Variants in PLEKHG5 observed in about 807,000 individuals in gnomAD.
The protein encoded by PLEKHG5 is pleckstrin homology and RhoGEF domain containing G5, also known as pleckstrin homology domain-containing family G member 5.
PLEKHG5 carries 52 observed loss-of-function variants against 103.8 expected under a neutral mutation model. That is an observed-to-expected ratio of 0.50 (90% CI 0.40 to 0.63). The LOEUF is 0.63. Ranked by LOEUF, PLEKHG5 falls within the 30% of genes least tolerant of loss-of-function variation. The probability of loss-of-function intolerance (pLI) is 0.00; values close to 1 mark genes in which losing one functional copy is unlikely to be tolerated. For missense variants in PLEKHG5, 1,205 were observed against 1,347.6 expected (o/e 0.89, Z 1.66); for synonymous variants, 592 against 575.5 (o/e 1.03, Z -0.41).
Position 6,485,351 on chromosome 1 carries a change from C to G in PLEKHG5, c.-88+6286G>C, listed in dbSNP as rs920474905. ...GGCTATCACCGTCGCGGGCACGACC[C>G]CCGGCCCAGGAGGGCTCCGAGTCCC... On this transcript the variant is annotated intron_variant, in intron 1 of 20. Transcript: ENST00000377728. 8 of 1,430,132 alleles carry G rather than the reference C, an allele frequency of 5.6e-6. No homozygotes were observed. The African/African-American group carries it at 1.2e-4, about 22-fold the overall frequency. 88.6% of individuals were successfully genotyped at this position (1,430,132 alleles called of 1,614,324 possible).
chr1:6,501,907 C>T lies in PLEKHG5; in HGVS notation c.-164-5338G>A, dbSNP rs1302649679. On this transcript the variant is annotated intron_variant, in intron 1 of 21. Transcript: ENST00000377740. The surrounding 1 kb of genome is among the most constrained non-coding windows in gnomAD (Gnocchi z 4.3). Reference sequence around the variant, plus strand: ...CCAGGGTAGCCCCTCACCTGTGAACCCTCCACTCCGATGAACCCTTCTGTC... The same window carrying T: ...CCAGGGTAGCCCCTCACCTGTGAACTCTCCACTCCGATGAACCCTTCTGTC... Among the ~76,000 whole-genome samples, 1 of 152,240 alleles carries T rather than the reference C, an allele frequency of 6.6e-6. No homozygotes were observed. The highest frequency in any genetic ancestry group is 1.5e-5 in the Non-Finnish European group (1 of 68,046).
upstream of PLEKHG5, chr1:6,497,337 T>A: frequency 9.9e-7 from 1 of 1,006,248 alleles, no homozygotes. This position sits in a 1 kb window ranked among gnomAD's most constrained non-coding sequence, Gnocchi z 6.1. Flanking sequence ...GCAGGCCCCG[T>A]GCCGCGCGGG....
At chr1:6,499,742 T>C (rs770248880), upstream of PLEKHG5, among the ~76,000 whole-genome samples, 14 of 152,158 alleles carry the variant, frequency 9.2e-5, no homozygotes, top group Non-Finnish European at 2.1e-4. Context: ...AAGGGGGACA[T>C]ACTGTATCAG....
At chr1:6,483,844 T>A (rs1644959237) in intron 1 of PLEKHG5, among the ~76,000 whole-genome samples, 1 of 152,218 alleles carries the variant, frequency 6.6e-6, no homozygotes, top group South Asian at 2.1e-4. Flanking sequence ...CTGCCCCACC[T>A]TGTCCCCTCT....
chr1:6,503,731 A>C (rs1430245693), intron 1 of PLEKHG5, among the ~76,000 whole-genome samples: 3 of 152,156 alleles, frequency 2.0e-5, no homozygotes, highest in African/African-American at 7.2e-5. Context: ...AAAGAGAAAA[A>C]TAAAGAGCAC....
At chr1:6,476,956 G>A (rs376668321) in intron 2 of PLEKHG5, among the ~76,000 whole-genome samples, 18 of 152,020 alleles carry the variant, frequency 1.2e-4, no homozygotes, top group Admixed American at 5.9e-4. Context: ...ATGAGCCACC[G>A]TGCCCAACCA....
At position 6,473,773 on chromosome 1, in the gene PLEKHG5, C is replaced by A. The variant is rs1423750714; in HGVS notation, c.591+240G>T. Among the ~76,000 whole-genome samples, 5 of 152,290 alleles carry A rather than the reference C, an allele frequency of 3.3e-5. No homozygotes were observed. The East Asian group carries it at 9.6e-4, about 29-fold the overall frequency. On this transcript the variant is annotated intron_variant, in intron 7 of 20. Transcript: ENST00000377728. ...GTGCTCTCACACACACATGCACACA[C>A]AGGTTCCCTGACCCCTGGCACTAGA... is the stretch of plus-strand genomic sequence containing the variant.
rs1645122366 is a variant in PLEKHG5 at position 6,490,200 on chromosome 1, A to G, written c.-88+1437T>C. On this transcript the variant is annotated intron_variant, in intron 1 of 20. Transcript: ENST00000377728. The surrounding 1 kb of genome is among the most constrained non-coding windows in gnomAD (Gnocchi z 8.0). The stretch of plus-strand genomic sequence containing the variant: ...CCCCCCATACCGGGGCCAGGGTCCC[A>G]TAGACTCCTCACGGCCCTATCTCCG... Among the ~76,000 whole-genome samples, 1 of 152,044 alleles carries G rather than the reference A, an allele frequency of 6.6e-6. No individual in the cohort carries two copies.
At position 6,491,093 on chromosome 1, in the gene PLEKHG5, C is replaced by CTT. The variant is rs545166285; in HGVS notation, c.-88+542_-88+543dup. 1.4e-5 allele frequency among the ~76,000 whole-genome samples: 2 copies of CTT among 145,806 alleles called. No homozygotes were observed. The highest frequency in any genetic ancestry group is 2.5e-5 in the African/African-American group (1 of 39,888). On this transcript the variant is annotated intron_variant, in intron 1 of 20. Transcript: ENST00000377728. This position sits in a 1 kb window ranked among gnomAD's most constrained non-coding sequence, Gnocchi z 4.1. Reference sequence around the variant, plus strand: ...CAGCCCGCTTTTCTCTGGGCCCCCTCTTTTTTTTTTTTCTGGCCCAGGTGA... The same window carrying CTT: ...CAGCCCGCTTTTCTCTGGGCCCCCTCTTTTTTTTTTTTTTCTGGCCCAGGTGA...
chr1:6,517,751 G>C (rs1638662872), intron 1 of PLEKHG5, among the ~76,000 whole-genome samples: 1 of 151,606 alleles, frequency 6.6e-6, no homozygotes, highest in African/African-American at 2.4e-5. Flanking sequence ...AACAGGCTCA[G>C]ATCTGACGAC....
chr1:6,473,953 CT>C, intron 7 of PLEKHG5, 59 bp downstream of exon 7: 1 of 1,482,600 alleles, frequency 6.7e-7, no homozygotes, highest in South Asian at 1.2e-5. Flanking sequence ...TGAGGAGGGG[CT>C]GTGGGCCCAG....
chr1:6,494,346 G>A (rs1645192670), upstream of PLEKHG5, among the ~76,000 whole-genome samples: 1 of 151,616 alleles, frequency 6.6e-6, no homozygotes, highest in Admixed American at 6.6e-5. Context: ...GGCCAGGCTG[G>A]TCTCGAACTC....
intron 1 of PLEKHG5, among the ~76,000 whole-genome samples, chr1:6,488,999 C>T (rs1237146573): frequency 6.6e-6 from 1 of 152,172 alleles, no homozygotes; most frequent in East Asian, 1.9e-4. Context: ...CGAGCTGGGG[C>T]CCCAGCCTGG....
chr1:6,480,261 G>C (rs1396053635), intron 1 of PLEKHG5, among the ~76,000 whole-genome samples: 1 of 152,006 alleles, frequency 6.6e-6, no homozygotes, highest in East Asian at 1.9e-4. Context: ...AGGCACGGTG[G>C]CTCATGCCTG....
intron 1 of PLEKHG5, among the ~76,000 whole-genome samples, chr1:6,489,268 C>G (rs772395594): frequency 6.6e-6 from 1 of 152,184 alleles, no homozygotes; most frequent in Non-Finnish European, 1.5e-5. Context: ...CTTTGCCAGG[C>G]GGCTCTCTAC....
At chr1:6,519,549 C>G in exon 1 of PLEKHG5, 3 of 1,504,750 alleles carry the variant, frequency 2.0e-6, no homozygotes, top group South Asian at 1.1e-5. Context: ...GCCTGGACCT[C>G]CAGCCACATG....
At position 6,469,029 on chromosome 1, in the gene PLEKHG5, T is replaced by C; in HGVS notation, c.2249+13A>G. On this transcript the variant is annotated intron_variant, in intron 19 of 20. Coordinates refer to ENST00000377728, the MANE Select transcript of PLEKHG5 (RefSeq NM_020631.6). Reference sequence around the variant, plus strand: ...CCTGGTTTGACCTGCTGGGTGGTCATGAGCAGACGTACCAGTGCTGAGAGT... The same window carrying C: ...CCTGGTTTGACCTGCTGGGTGGTCACGAGCAGACGTACCAGTGCTGAGAGT... 6.2e-7 allele frequency: 1 copy of C among 1,610,686 alleles called. No individual in the cohort carries two copies. The highest frequency in any genetic ancestry group is 8.5e-7 in the Non-Finnish European group (1 of 1,177,274).
At chr1:6,501,148 C>G (rs898244223), upstream of PLEKHG5, among the ~76,000 whole-genome samples, 15 of 152,200 alleles carry the variant, frequency 9.9e-5, no homozygotes, top group African/African-American at 3.6e-4. This position sits in a 1 kb window ranked among gnomAD's most constrained non-coding sequence, Gnocchi z 4.3. Context: ...ACGGCTCCAG[C>G]TCCCGAGCTG....
intron 1 of PLEKHG5, among the ~76,000 whole-genome samples, chr1:6,513,816 C>T (rs1379509361): frequency 6.6e-6 from 1 of 152,230 alleles, no homozygotes; most frequent in Non-Finnish European, 1.5e-5. Flanking sequence ...CAGGCTGCCT[C>T]GGATGGGCCT....
Sources: gnomAD v4.1 joint callset for allele counts (sites outside exome capture counted in the v4.1 genomes callset) on GRCh38, gnomAD v4.1.1 for gene constraint, Gnocchi (gnomAD v3.1) non-coding constraint, MANE v1.5 for transcripts, NCBI Gene and HGNC (gene_info 2026-07-23, HGNC 2026-07-21) for gene names.